GDAP1L1: variants seen among roughly 807,000 people sequenced by gnomAD.
GDAP1L1 encodes ganglioside-induced differentiation-associated protein 1-like 1.
GDAP1L1 carries 21 observed loss-of-function variants against 37.1 expected under a neutral mutation model. The observed-to-expected ratio is 0.57, with a 90% CI of 0.40 to 0.81. The LOEUF (loss-of-function observed/expected upper bound fraction) is 0.81, where lower values mean the gene tolerates loss of function less well. Ranked by LOEUF, GDAP1L1 falls within the 40% of genes least tolerant of loss-of-function variation. The probability of loss-of-function intolerance (pLI) is 0.00; values close to 1 mark genes in which losing one functional copy is unlikely to be tolerated. For missense variants in GDAP1L1, 362 were observed against 491.6 expected, an observed-to-expected ratio of 0.74 and a Z score of 2.49; for synonymous variants, 193 against 209.1, an observed-to-expected ratio of 0.92 and a Z score of 0.67.
At chr20:44,247,800 G>A (rs569953310) in intron 1 of GDAP1L1, among the ~76,000 whole-genome samples, 6 of 148,792 alleles carry the variant, frequency 4.0e-5, no homozygotes, top group Admixed American at 1.3e-4. Context: ...GGGTTGGGGG[G>A]GCTGAGAAAA....
rs1364652892 is a variant in GDAP1L1 at position 44,258,412 on chromosome 20, C to T, written c.374-22C>T. 5 of 1,545,448 alleles carry T rather than the reference C, an allele frequency of 3.2e-6. No homozygotes were observed. In the East Asian group the frequency reaches 7.4e-5, roughly 23 times the overall value. On this transcript the variant is annotated intron_variant, in intron 2 of 5. Transcript: ENST00000342560. ...CAGGTGCCCCTCTGGCTTCCCTGCC[C>T]AGCCCCTGGCGGTGCCCACAGAGCA...
At chr20:44,264,659 C>A in intron 5 of GDAP1L1, 100 bp downstream of exon 5, 4 of 1,515,608 alleles carry the variant, frequency 2.6e-6, no homozygotes, top group Non-Finnish European at 3.6e-6. Flanking sequence ...TCTCAGAGGA[C>A]CTCCCAGGTG....
chr20:44,248,758 G>A (rs8120114), intron 1 of GDAP1L1, among the ~76,000 whole-genome samples: 4,176 of 152,306 alleles, frequency 0.027, 176 homozygotes, highest in East Asian at 0.13. Flanking sequence ...CTGATTCAGT[G>A]GGTCTGGAAT....
chr20:44,274,055 G>C (rs926606999), intron 5 of GDAP1L1, among the ~76,000 whole-genome samples: 10 of 152,078 alleles, frequency 6.6e-5, no homozygotes, highest in African/African-American at 2.4e-4. Context: ...TTTTGGATAA[G>C]TGTCTTATAT....
At chr20:44,255,767 C>T (rs1235595097) in intron 1 of GDAP1L1, among the ~76,000 whole-genome samples, 1 of 151,994 alleles carries the variant, frequency 6.6e-6, no homozygotes, top group Non-Finnish European at 1.5e-5. Flanking sequence ...TTGGGGATAC[C>T]CTCCCTCTCC....
intron 5 of GDAP1L1, chr20:44,265,609 A>T (rs1003462833): frequency 2.1e-6 from 1 of 480,312 alleles, no homozygotes; most frequent in Non-Finnish European, 2.7e-6. Context: ...TTGAAGCCTC[A>T]GTTTCCTCAT....
intron 1 of GDAP1L1, among the ~76,000 whole-genome samples, chr20:44,249,042 T>A (rs2073390010): frequency 6.6e-6 from 1 of 152,058 alleles, no homozygotes; most frequent in African/African-American, 2.4e-5. Context: ...GTTATGATTT[T>A]TTTTTTTTTT....
intron 1 of GDAP1L1, among the ~76,000 whole-genome samples, chr20:44,255,644 G>T (rs2073526420): frequency 2.0e-5 from 3 of 151,634 alleles, no homozygotes; most frequent in Non-Finnish European, 4.4e-5. Context: ...CACCGTTCAG[G>T]TTCTGCCCAT....
intron 1 of GDAP1L1, among the ~76,000 whole-genome samples, chr20:44,250,084 T>C (rs964451041): frequency 6.6e-5 from 10 of 152,218 alleles, no homozygotes; most frequent in Admixed American, 5.2e-4. Context: ...CAGTCCCCCA[T>C]TGTCAAGCAT....
intron 4 of GDAP1L1, among the ~76,000 whole-genome samples, chr20:44,264,158 G>A (rs575958620): frequency 6.6e-6 from 1 of 152,306 alleles, no homozygotes; most frequent in South Asian, 2.1e-4. Flanking sequence ...TGTGGGCAAT[G>A]CAGCTCCTTA....
intron 1 of GDAP1L1, among the ~76,000 whole-genome samples, chr20:44,255,111 C>G (rs2073513972): frequency 6.6e-6 from 1 of 152,172 alleles, no homozygotes; most frequent in African/African-American, 2.4e-5. Flanking sequence ...TGCCCTCATA[C>G]CAGCAGCTAA....
chr20:44,272,635 G>C (rs1278105780), intron 5 of GDAP1L1, among the ~76,000 whole-genome samples: 1 of 152,076 alleles, frequency 6.6e-6, no homozygotes, highest in Non-Finnish European at 1.5e-5. Context: ...TTTGCAAAGG[G>C]AACACACAAG....
intron 5 of GDAP1L1, chr20:44,265,031 C>T: frequency 1.0e-6 from 1 of 985,388 alleles, no homozygotes; most frequent in Non-Finnish European, 1.2e-6. Flanking sequence ...ATGTCCCGAA[C>T]AGAGACATCA....
chr20:44,254,350 C>T (rs1462550941), intron 1 of GDAP1L1, among the ~76,000 whole-genome samples: 1 of 152,212 alleles, frequency 6.6e-6, no homozygotes, highest in Non-Finnish European at 1.5e-5. Flanking sequence ...CATTTGCTCA[C>T]TCATACACAC....
chr20:44,247,561 G>A (rs1307847663), intron 1 of GDAP1L1, 47 bp downstream of exon 1: 1 of 1,450,780 alleles, frequency 6.9e-7, no homozygotes, highest in African/African-American at 1.4e-5. Context: ...AGGAAGCTTG[G>A]GGAGGGGAGC....
intron 1 of GDAP1L1, among the ~76,000 whole-genome samples, chr20:44,253,030 C>T (rs1471162629): frequency 6.6e-6 from 1 of 152,218 alleles, no homozygotes; most frequent in Non-Finnish European, 1.5e-5. Context: ...TTCTTTCAAG[C>T]CTTTGCTCAA....
At chr20:44,253,882 T>C (rs2073491154) in intron 1 of GDAP1L1, among the ~76,000 whole-genome samples, 1 of 152,190 alleles carries the variant, frequency 6.6e-6, no homozygotes, top group Admixed American at 6.5e-5. Flanking sequence ...CCTCCCCAAA[T>C]AGCAGCCCTG....
At chr20:44,254,139 C>T (rs1035492863) in intron 1 of GDAP1L1, among the ~76,000 whole-genome samples, 2 of 152,206 alleles carry the variant, frequency 1.3e-5, no homozygotes, top group Admixed American at 6.5e-5. Flanking sequence ...GGGCACAGGC[C>T]GCCCATGAGC....
chr20:44,256,247 G>T (rs1385534213), intron 1 of GDAP1L1, among the ~76,000 whole-genome samples: 1 of 152,172 alleles, frequency 6.6e-6, no homozygotes, highest in Admixed American at 6.5e-5. Flanking sequence ...GCTGTTGTGA[G>T]TTTCCAACCA....
Sources: allele counts gnomAD v4.1 joint callset (sites outside exome capture counted in the v4.1 genomes callset), GRCh38; gene constraint gnomAD v4.1.1; transcripts MANE v1.5; gene names NCBI Gene and HGNC (gene_info 2026-07-23, HGNC 2026-07-21).